GSAP: variants seen among roughly 807,000 people sequenced by gnomAD.
The protein encoded by GSAP is gamma-secretase activating protein.
Under a neutral mutation model 131.7 loss-of-function variants are expected in GSAP, and 118 were observed. The ratio of observed to expected loss-of-function variants is 0.90; its 90% confidence interval spans 0.77 to 1.04. The LOEUF (loss-of-function observed/expected upper bound fraction) is 1.04, where lower values mean the gene tolerates loss of function less well. Ranked by LOEUF, GSAP falls within the 50% of genes least tolerant of loss-of-function variation. The pLI is 0.00. For missense variants in GSAP, 1,019 were observed against 1,013.2 expected (o/e 1.01, Z -0.08); for synonymous variants, 381 against 363.4 (o/e 1.05, Z -0.55).
At chr7:77,405,594 G>A (rs191130629) in intron 2 of GSAP, among the ~76,000 whole-genome samples, 99 of 152,196 alleles carry the variant, frequency 6.5e-4, no homozygotes, top group Non-Finnish European at 1.1e-3. Flanking sequence ...CTGGAGTGCA[G>A]TGGCACCATC....
At chr7:77,403,495 T>C (rs2151172385) in intron 3 of GSAP, among the ~76,000 whole-genome samples, 1 of 152,308 alleles carries the variant, frequency 6.6e-6, no homozygotes, top group African/African-American at 2.4e-5. Context: ...GGTACAAAAT[T>C]ACTCCCTCCC....
chr7:77,384,366 G>C (rs577062315), intron 6 of GSAP, among the ~76,000 whole-genome samples: 1 of 152,288 alleles, frequency 6.6e-6, no homozygotes, highest in African/African-American at 2.4e-5. Flanking sequence ...GGTAGGTGTT[G>C]TTTTTCTTTC....
At chr7:77,388,404 A>G (rs1162191735) in intron 5 of GSAP, among the ~76,000 whole-genome samples, 4 of 152,262 alleles carry the variant, frequency 2.6e-5, no homozygotes, top group African/African-American at 9.6e-5. Flanking sequence ...GGTTTCCCTC[A>G]GGGACAGTGG....
At chr7:77,406,201 T>A in intron 1 of GSAP, 96 bp from the exon 2 acceptor site, 3 of 617,442 alleles carry the variant, frequency 4.9e-6, no homozygotes, top group Non-Finnish European at 6.4e-6. Context: ...AAATATATAC[T>A]AATAATTCTA....
intron 1 of GSAP, among the ~76,000 whole-genome samples, chr7:77,409,202 C>A (rs547478425): frequency 1.3e-5 from 2 of 152,126 alleles, no homozygotes; most frequent in South Asian, 4.2e-4. Flanking sequence ...AGTTCATGGG[C>A]CAAGCATGAT....
chr7:77,396,195 T>C (rs572175631), intron 5 of GSAP, among the ~76,000 whole-genome samples: 1 of 152,220 alleles, frequency 6.6e-6, no homozygotes, highest in East Asian at 1.9e-4. Context: ...CTATATCTCT[T>C]GAACTTTTTT....
At chr7:77,399,445 G>GCT (rs1312142283) in intron 3 of GSAP, among the ~76,000 whole-genome samples, 13 of 152,148 alleles carry the variant, frequency 8.5e-5, no homozygotes. Flanking sequence ...GTGGAAAAGA[G>GCT]AAGAGTCCAT....
chr7:77,339,061 G>A (rs78900159), intron 19 of GSAP, among the ~76,000 whole-genome samples: 3,586 of 152,234 alleles, frequency 0.024, 76 homozygotes, highest in Non-Finnish European at 0.034. Flanking sequence ...ACACTCTTAC[G>A]TAATTTGTGA....
chr7:77,379,629 C>T (rs1797491421), intron 8 of GSAP, among the ~76,000 whole-genome samples: 1 of 152,156 alleles, frequency 6.6e-6, no homozygotes, highest in South Asian at 2.1e-4. Flanking sequence ...AGTCCCCTGT[C>T]TATGCTCACT....
intron 28 of GSAP, among the ~76,000 whole-genome samples, chr7:77,312,535 T>A (rs946084847): frequency 6.6e-6 from 1 of 152,230 alleles, no homozygotes; most frequent in African/African-American, 2.4e-5. Flanking sequence ...GGGGTACGCA[T>A]GTTTATATCA....
At chr7:77,382,040 C>G (rs960570659) in intron 7 of GSAP, among the ~76,000 whole-genome samples, 1 of 149,246 alleles carries the variant, frequency 6.7e-6, no homozygotes, top group Non-Finnish European at 1.5e-5. Context: ...ATAAGCTCCA[C>G]CAGTAAATTC....
intron 26 of GSAP, chr7:77,315,303 C>T (rs1322326468): frequency 6.6e-6 from 1 of 152,244 alleles, no homozygotes; most frequent in Non-Finnish European, 1.5e-5. Context: ...GTATTACTCA[C>T]CAGCTGCAGG....
chr7:77,367,561 C>T (rs971330590), intron 12 of GSAP, among the ~76,000 whole-genome samples: 1 of 152,170 alleles, frequency 6.6e-6, no homozygotes, highest in Non-Finnish European at 1.5e-5. Flanking sequence ...ACCTACTTGA[C>T]TGTGGTAGAT....
At chr7:77,341,647 T>C (rs542705077) in intron 19 of GSAP, among the ~76,000 whole-genome samples, 3 of 152,322 alleles carry the variant, frequency 2.0e-5, no homozygotes, top group South Asian at 4.1e-4. Context: ...TTAGATGCTT[T>C]ACCACCCTAG....
intron 19 of GSAP, among the ~76,000 whole-genome samples, chr7:77,333,359 C>G (rs1309631725): frequency 1.3e-5 from 2 of 152,116 alleles, no homozygotes; most frequent in African/African-American, 4.8e-5. Flanking sequence ...TGAGCCAGAG[C>G]ATCAGAGTCA....
chr7:77,347,188 A>G (rs1792043471), intron 19 of GSAP, among the ~76,000 whole-genome samples: 1 of 151,956 alleles, frequency 6.6e-6, no homozygotes, highest in Non-Finnish European at 1.5e-5. Flanking sequence ...TTCCTTTGCA[A>G]TATCCTTTAT....
At chr7:77,341,060 G>A (rs948428963) in intron 19 of GSAP, among the ~76,000 whole-genome samples, 2 of 152,066 alleles carry the variant, frequency 1.3e-5, no homozygotes, top group Admixed American at 6.6e-5. Flanking sequence ...ATACAAACTT[G>A]ATAATGGTTC....
At chr7:77,342,835 C>T (rs886932773) in intron 19 of GSAP, among the ~76,000 whole-genome samples, 7 of 152,160 alleles carry the variant, frequency 4.6e-5, no homozygotes, top group Non-Finnish European at 7.3e-5. Context: ...TCAGGATCTG[C>T]GACTTATCAA....
chr7:77,382,641 A>C lies in GSAP; in HGVS notation c.459T>G (p.Phe153Leu), dbSNP rs1461698049. The C allele has an allele frequency of 6.7e-7, 1 of 1,502,612 alleles. No homozygotes were observed. Among genetic ancestry groups the C allele is most frequent in the Non-Finnish European group, 9.3e-7 (1 of 1,078,720 alleles). The allele number at this position is 1,502,612 out of a possible 1,614,324, so 93.1% of individuals were successfully genotyped here. Residue 153 changes from phenylalanine to leucine, a missense_variant and splice_region_variant, in exon 7 of 31, where the codon TTT (phenylalanine) becomes TTG (leucine). Coordinates refer to ENST00000257626, the MANE Select transcript of GSAP (RefSeq NM_017439.4). ...KAVDSYIWVQ[F>L]LYPHIESHPL... ...GATGACTTTCAATATGTGGGTAGAG[A>C]AACTGTAAAAAAGAAATTAATCATA...
Sources: gnomAD v4.1 joint callset for allele counts (sites outside exome capture counted in the v4.1 genomes callset) on GRCh38, gnomAD v4.1.1 for gene constraint, MANE v1.5 for transcripts, NCBI Gene and HGNC (gene_info 2026-07-23, HGNC 2026-07-21) for gene names.